Variants in TTF2 observed in about 807,000 individuals in gnomAD.
TTF2 encodes transcription termination factor 2.
A neutral mutation model predicts 142.4 loss-of-function variants in TTF2; 108 were observed. The observed-to-expected ratio is 0.76, with a 90% CI of 0.65 to 0.89. The LOEUF (loss-of-function observed/expected upper bound fraction) is 0.89. TTF2 is among the 40% of genes least tolerant of loss of function. TTF2 has a pLI of 0.00. For synonymous variants in TTF2, 483 were observed against 506.2 expected, an observed-to-expected ratio of 0.95 and a Z score of 0.61; for missense variants, 1,327 against 1,379.8, an observed-to-expected ratio of 0.96 and a Z score of 0.61.
At chr1:117,060,784 C>T (rs1655612549) in intron 2 of TTF2, among the ~76,000 whole-genome samples, 2 of 152,186 alleles carry the variant, frequency 1.3e-5, no homozygotes, top group Admixed American at 1.3e-4. Context: ...CCTCTCTGGG[C>T]CGATGGTTCC....
chr1:117,077,768 A>G (rs1019652452), intron 7 of TTF2, 148 bp from the exon 8 acceptor site: 1 of 1,090,012 alleles, frequency 9.2e-7, no homozygotes, highest in African/African-American at 1.6e-5. Flanking sequence ...TTCCCAACTG[A>G]GAACTGCTAG....
intron 13 of TTF2, 99 bp from the exon 14 acceptor site, chr1:117,089,956 A>G: frequency 7.2e-7 from 1 of 1,392,406 alleles, no homozygotes. Context: ...GGTGTAACAG[A>G]AAATCTGATT....
In TTF2 at chr1:117,093,262, C is replaced by T. The variant is rs1648766827; in HGVS notation, c.2976+361C>T. Among the ~76,000 whole-genome samples, 2 of 152,210 alleles carry T rather than the reference C, an allele frequency of 1.3e-5. No individual in the cohort carries two copies. Among genetic ancestry groups the T allele is most frequent in the South Asian group, 4.1e-4 (2 of 4,830 alleles). On this transcript the variant is annotated intron_variant, in intron 18 of 22. Coordinates refer to ENST00000369466, the MANE Select transcript of TTF2 (RefSeq NM_003594.4). The surrounding 1 kb of genome is among the most constrained non-coding windows in gnomAD (Gnocchi z 4.5). ...TTAAAAGGAAAACAAAGGCTTGACT[C>T]TAGAGACTGTGTCATACATGCGAGC...
intron 18 of TTF2, 102 bp from the exon 19 acceptor site, chr1:117,095,207 G>C: frequency 9.3e-7 from 1 of 1,077,714 alleles, no homozygotes; most frequent in Non-Finnish European, 1.4e-6. Context: ...GGTGAGGCCA[G>C]AGCACAGACG....
Position 117,097,534 on chromosome 1 carries a change from C to A in TTF2, c.3269+101C>A. 2 of 1,076,176 alleles carry A rather than the reference C, an allele frequency of 1.9e-6. No individual in the cohort carries two copies. The highest frequency in any genetic ancestry group is 2.9e-6 in the Non-Finnish European group (2 of 693,972). The allele number at this position is 1,076,176 out of a possible 1,614,324, so 66.7% of individuals were successfully genotyped here. ...GACTTCTTATGTTGATTGCTGTGTT[C>A]GTATTGCAGAGATGCCTTGCTTTGT... On this transcript the variant is annotated intron_variant, in intron 21 of 22. Transcript: ENST00000369466. This position sits in a 1 kb window ranked among gnomAD's most constrained non-coding sequence, Gnocchi z 4.1.
Position 117,092,627 on chromosome 1 carries a change from G to C in TTF2, c.2806-104G>C. 1 of 1,284,992 alleles carries C rather than the reference G, an allele frequency of 7.8e-7. No homozygotes were observed. Among genetic ancestry groups the C allele is most frequent in the South Asian group, 1.6e-5 (1 of 63,262 alleles). The allele number at this position is 1,284,992 out of a possible 1,614,324, so 79.6% of individuals were successfully genotyped here. A position where few individuals can be genotyped will look rare whatever the true frequency, so the allele number is the denominator to read the frequency against. Reference sequence around the variant, plus strand: ...AGGAGTTACTGATGACAAATTACAAGATATTTTGCTCTGTGAAGTGGTAAA... The same window carrying C: ...AGGAGTTACTGATGACAAATTACAACATATTTTGCTCTGTGAAGTGGTAAA... On this transcript the variant is annotated intron_variant, in intron 17 of 22. Coordinates refer to ENST00000369466, the MANE Select transcript of TTF2 (RefSeq NM_003594.4). This position sits in a 1 kb window ranked among gnomAD's most constrained non-coding sequence, Gnocchi z 4.4.
Position 117,101,124 on chromosome 1 carries a change from G to T in TTF2, c.3345-256G>T, listed in dbSNP as rs1020806902. On this transcript the variant is annotated intron_variant, in intron 22 of 22. Transcript: ENST00000369466. This position sits in a 1 kb window ranked among gnomAD's most constrained non-coding sequence, Gnocchi z 5.9. ...ACTTTTTTGGATTGGGATATCTTTTGCTTATTTTGAGTTTGTTTCAATTAC... is the reference window on the plus strand; with the variant it reads ...ACTTTTTTGGATTGGGATATCTTTTTCTTATTTTGAGTTTGTTTCAATTAC... Among the ~76,000 whole-genome samples, 4 of 152,112 alleles carry T rather than the reference G, an allele frequency of 2.6e-5. No homozygotes were observed. Among genetic ancestry groups the T allele is most frequent in the Non-Finnish European group, 5.9e-5 (4 of 68,008 alleles).
At chr1:117,078,545 A>G (rs1368016520) in intron 8 of TTF2, among the ~76,000 whole-genome samples, 1 of 152,214 alleles carries the variant, frequency 6.6e-6, no homozygotes, top group African/African-American at 2.4e-5. Context: ...AAACGCTGCA[A>G]TTAGAGGGAG....
Position 117,075,566 on chromosome 1 carries a change from C to T in TTF2, c.982C>T (p.Pro328Ser). Residue 328 changes from proline to serine, a missense_variant, in exon 5 of 23, where the codon CCA becomes TCA. Transcript: ENST00000369466. The surrounding 1 kb of genome is among the most constrained non-coding windows in gnomAD (Gnocchi z 4.5). ...ETHSVPAPGG[P>S]AAQAAPAAPG... ...CCACAGTGTGCCTGCTCCTGGAGGA[C>T]CAGCGGCTCAGGCTGCACCAGCAGC... The T allele has an allele frequency of 6.2e-7, 1 of 1,614,158 alleles. No homozygotes were observed. The highest frequency in any genetic ancestry group is 1.1e-5 in the South Asian group (1 of 91,074).
Position 117,076,967 on chromosome 1 carries a change from A to T in TTF2, c.1573+144A>T. The stretch of plus-strand genomic sequence containing the variant: ...AAAAAGGTGAGTACAGTACAGTAAG[A>T]TATTTTGAGAGAGAAAGAGACAGAA... On this transcript the variant is annotated intron_variant, in intron 7 of 22. Coordinates refer to ENST00000369466, the MANE Select transcript of TTF2 (RefSeq NM_003594.4). The surrounding 1 kb of genome is among the most constrained non-coding windows in gnomAD (Gnocchi z 4.6). The T allele has an allele frequency of 1.9e-6, 1 of 530,210 alleles. No individual in the cohort carries two copies. Among genetic ancestry groups the T allele is most frequent in the Admixed American group, 4.0e-5 (1 of 24,726 alleles). The allele number at this position is 530,210 out of a possible 1,614,324, so 32.8% of individuals were successfully genotyped here.
chr1:117,082,282 A>G (rs1647591001), intron 10 of TTF2, among the ~76,000 whole-genome samples: 1 of 152,148 alleles, frequency 6.6e-6, no homozygotes. Context: ...GCATGAACAC[A>G]GCTTACTGCA....
chr1:117,094,023 A>C (rs1260092946), intron 18 of TTF2, among the ~76,000 whole-genome samples: 1 of 152,164 alleles, frequency 6.6e-6, no homozygotes, highest in Non-Finnish European at 1.5e-5. Context: ...TTGCCAAGAC[A>C]CCAGGCACAT....
intron 18 of TTF2, chr1:117,094,724 C>T (rs1570877651): frequency 2.2e-6 from 1 of 448,470 alleles, no homozygotes; most frequent in Non-Finnish European, 4.5e-6. Flanking sequence ...AGTTACTTTC[C>T]TAATATTTGC....
rs1331102985 is a variant in TTF2 at position 117,080,714 on chromosome 1, A to G, written c.1783+1065A>G. 6.6e-6 allele frequency among the ~76,000 whole-genome samples: 1 copy of G among 152,218 alleles called. No individual in the cohort carries two copies. Among genetic ancestry groups the G allele is most frequent in the African/African-American group, 2.4e-5 (1 of 41,454 alleles). On this transcript the variant is annotated intron_variant, in intron 9 of 22. Coordinates refer to ENST00000369466, the MANE Select transcript of TTF2 (RefSeq NM_003594.4). This position sits in a 1 kb window ranked among gnomAD's most constrained non-coding sequence, Gnocchi z 4.3. Reference sequence around the variant, plus strand: ...CTAGTAAGACACAGCATATGGTCATACTCACAGCTGTGATTTATTACAGTG... The same window carrying G: ...CTAGTAAGACACAGCATATGGTCATGCTCACAGCTGTGATTTATTACAGTG...
rs960407148 is a variant in TTF2, at chr1:117,107,231, G to C, written c.*5707G>C. Reference sequence around the variant, plus strand: ...AGTTAAATTGAGTTTGGACTCCACTGTAGTGCATGCATGAGACAGCACCCC... The same window carrying C: ...AGTTAAATTGAGTTTGGACTCCACTCTAGTGCATGCATGAGACAGCACCCC... On this transcript the variant is annotated 3_prime_UTR_variant, in exon 23 of 23. Coordinates refer to ENST00000369466, the MANE Select transcript of TTF2 (RefSeq NM_003594.4). 2.0e-5 allele frequency: 3 copies of C among 152,148 alleles called. No homozygotes were observed. Among genetic ancestry groups the C allele is most frequent in the African/African-American group, 7.2e-5 (3 of 41,412 alleles). 9.4% of individuals were successfully genotyped at this position (152,148 alleles called of 1,614,324 possible). A position where few individuals can be genotyped will look rare whatever the true frequency, so the allele number is the denominator to read the frequency against.
At chr1:117,066,108 A>T (rs1336946406) in intron 3 of TTF2, among the ~76,000 whole-genome samples, 1 of 145,070 alleles carries the variant, frequency 6.9e-6, no homozygotes, top group Admixed American at 7.1e-5. Flanking sequence ...AAGTACTGGG[A>T]TTACAGGTGT....
At chr1:117,077,831 A>AGGG in intron 7 of TTF2, 85 bp from the exon 8 acceptor site, 1 of 1,547,534 alleles carries the variant, frequency 6.5e-7, no homozygotes, top group Non-Finnish European at 8.8e-7. Flanking sequence ...AAACAGATAC[A>AGGG]GGGCCATTTG....
In TTF2 at chr1:117,077,906, T is replaced by C; in HGVS notation, c.1574-10T>C. 1 of 1,613,954 alleles carries C rather than the reference T, an allele frequency of 6.2e-7. No individual in the cohort carries two copies. The highest frequency in any genetic ancestry group is 8.5e-7 in the Non-Finnish European group (1 of 1,179,870). On this transcript the variant is annotated splice_polypyrimidine_tract_variant and intron_variant, in intron 7 of 22. Transcript: ENST00000369466. ...GTGACATCTTTTAGGTAACACCTATTTGTATGCAGGCCATACAAACCAAGA... is the reference window on the plus strand; with the variant it reads ...GTGACATCTTTTAGGTAACACCTATCTGTATGCAGGCCATACAAACCAAGA...
chr1:117,105,187 G>C lies in TTF2; in HGVS notation c.*3663G>C, dbSNP rs1167937741. ...GCTAGTGTTATTGCTGTGGGACAAG[G>C]TCTGGGAATATGAGAACCAGCAGCA... is the stretch of plus-strand genomic sequence containing the variant. On this transcript the variant is annotated 3_prime_UTR_variant, in exon 23 of 23. Transcript: ENST00000369466. The surrounding 1 kb of genome is among the most constrained non-coding windows in gnomAD (Gnocchi z 4.7). The C allele has an allele frequency of 6.6e-6, 1 of 152,214 alleles. No homozygotes were observed. The highest frequency in any genetic ancestry group is 1.5e-5 in the Non-Finnish European group (1 of 68,048). 9.4% of individuals were successfully genotyped at this position (152,214 alleles called of 1,614,324 possible).
Sources: gnomAD v4.1 joint callset for allele counts (sites outside exome capture counted in the v4.1 genomes callset) on GRCh38, gnomAD v4.1.1 for gene constraint, Gnocchi (gnomAD v3.1) non-coding constraint, MANE v1.5 for transcripts, NCBI Gene and HGNC (gene_info 2026-07-23, HGNC 2026-07-21) for gene names.